The following EVC2 variants were observed in gnomAD, a reference collection of about 807,000 sequenced individuals.
The protein encoded by EVC2 is limbin.
In EVC2, 148 loss-of-function variants were observed where a neutral mutation model predicts 149.3. That is an observed-to-expected ratio of 0.99 (90% CI 0.87 to 1.14). The LOEUF is 1.14. EVC2 is among the 50% of genes most tolerant of loss of function. The pLI is 0.00. For synonymous variants in EVC2, 776 were observed against 649.9 expected, an observed-to-expected ratio of 1.19 and a Z score of -2.95; for missense variants, 1,854 against 1,627.3, an observed-to-expected ratio of 1.14 and a Z score of -2.40.
chr4:5,606,218 A>C (rs1714381874), intron 16 of EVC2, among the ~76,000 whole-genome samples: 1 of 152,130 alleles, frequency 6.6e-6, no homozygotes, highest in Non-Finnish European at 1.5e-5. Flanking sequence ...CCCACCTCTT[A>C]ATACTCCCTT....
Position 5,697,000 on chromosome 4 carries a change from T to C in EVC2, c.283+593A>G, listed in dbSNP as rs1721516427. Reference sequence around the variant, plus strand: ...GTCCTTATAAGAGGGAGACAGAGATTTGACAGACAGAAGAGAAGAAGGCCA... The same window carrying C: ...GTCCTTATAAGAGGGAGACAGAGATCTGACAGACAGAAGAGAAGAAGGCCA... On this transcript the variant is annotated intron_variant, in intron 2 of 21. Coordinates refer to ENST00000344408, the MANE Select transcript of EVC2 (RefSeq NM_147127.5). The surrounding 1 kb of genome is among the most constrained non-coding windows in gnomAD (Gnocchi z 4.1). Among the ~76,000 whole-genome samples the C allele has an allele frequency of 1.3e-5, 2 of 152,152 alleles. No individual in the cohort carries two copies. Among genetic ancestry groups the C allele is most frequent in the Non-Finnish European group, 2.9e-5 (2 of 68,022 alleles).
intron 7 of EVC2, among the ~76,000 whole-genome samples, chr4:5,676,389 C>G (rs1321577987): frequency 6.6e-6 from 1 of 152,190 alleles, no homozygotes; most frequent in African/African-American, 2.4e-5. Context: ...AGCCTCACAT[C>G]TTTACCTTGT....
rs73794666 is a variant in EVC2 at position 5,615,249 on chromosome 4, C to T, written c.2829+173G>A. Among the ~76,000 whole-genome samples the T allele has an allele frequency of 0.017, 2,540 of 152,242 alleles. 68 individuals carry two copies. The highest frequency in any genetic ancestry group is 0.057 in the African/African-American group (2,363 of 41,554). On this transcript the variant is annotated intron_variant, in intron 16 of 21. Coordinates refer to ENST00000344408, the MANE Select transcript of EVC2 (RefSeq NM_147127.5). Reference sequence around the variant, plus strand: ...CCAAACAGAATGCACAGGGGAAAGGCCCAGGGGGAGGGTCTTCCAACTCTT... The same window carrying T: ...CCAAACAGAATGCACAGGGGAAAGGTCCAGGGGGAGGGTCTTCCAACTCTT...
chr4:5,556,764 C>T (rs1577090088), intron 21 of EVC2, among the ~76,000 whole-genome samples: 1 of 152,080 alleles, frequency 6.6e-6, no homozygotes, highest in Non-Finnish European at 1.5e-5. Flanking sequence ...CTACTGATCC[C>T]ATGGACAGTA....
intron 17 of EVC2, among the ~76,000 whole-genome samples, chr4:5,580,136 TTTTAATTCTCCTGAATG>T (rs1711627415): frequency 6.6e-6 from 1 of 152,244 alleles, no homozygotes; most frequent in South Asian, 2.1e-4. Flanking sequence ...TTTCATGCTT[TTTTAATTCTCCTGAATG>T]TTTAACAGCC....
chr4:5,570,219 G>A (rs1383714521), intron 19 of EVC2, among the ~76,000 whole-genome samples: 1 of 152,216 alleles, frequency 6.6e-6, no homozygotes, highest in Non-Finnish European at 1.5e-5. Context: ...CTGGAACAGA[G>A]AGGGTGACCA....
chr4:5,542,889 T>C (rs1338318902), exon 23 of EVC2: 5 of 321,822 alleles, frequency 1.6e-5, no homozygotes, highest in Non-Finnish European at 6.1e-6. Context: ...TCCCAGGCCC[T>C]TCCTTGGTGT....
Position 5,692,852 on chromosome 4 carries a change from C to T in EVC2, c.450+1483G>A, listed in dbSNP as rs371756460. On this transcript the variant is annotated intron_variant, in intron 3 of 21. Transcript: ENST00000344408. ...ACTGCAGTCCGCAGTCCGGCCTGGGCGACAGAGCGAGACTCCGTCTCAAAA... is the reference window on the plus strand; with the variant it reads ...ACTGCAGTCCGCAGTCCGGCCTGGGTGACAGAGCGAGACTCCGTCTCAAAA... Among the ~76,000 whole-genome samples, 416 of 116,586 alleles carry T rather than the reference C, an allele frequency of 3.6e-3. 4 individuals are homozygous for T. Among genetic ancestry groups the T allele is most frequent in the African/African-American group, 0.013 (386 of 29,612 alleles). 76.5% of individuals were successfully genotyped at this position (116,586 alleles called of 152,430 possible). A position where few individuals can be genotyped will look rare whatever the true frequency, so the allele number is the denominator to read the frequency against.
At chr4:5,672,575 C>A (rs1319780905) in intron 7 of EVC2, among the ~76,000 whole-genome samples, 1 of 152,152 alleles carries the variant, frequency 6.6e-6, no homozygotes, top group East Asian at 1.9e-4. Context: ...CTTAGATCCA[C>A]CCCTTTCCAC....
At chr4:5,611,062 C>T (rs1205646307) in intron 16 of EVC2, among the ~76,000 whole-genome samples, 3 of 152,052 alleles carry the variant, frequency 2.0e-5, no homozygotes, top group South Asian at 2.1e-4. Flanking sequence ...TTGTGTGTGC[C>T]CTCTGCATCA....
rs888370298 is a variant in EVC2, at chr4:5,584,764, G to T, written c.2916C>A (p.Phe972Leu). ...GFAQSLVALQ[F>L]QKASRVTETL... ...TCTCGGTCACCCGGGACGCCTTCTG[G>T]AACTGCAGAGCAACAAGCGACTGTG... Residue 972 changes from phenylalanine (F) to leucine (L), a missense_variant, in exon 17 of 22, where the codon TTC becomes TTA. Transcript: ENST00000344408. 1 of 1,614,006 alleles carries T rather than the reference G, an allele frequency of 6.2e-7. No homozygotes were observed. The highest frequency in any genetic ancestry group is 8.5e-7 in the Non-Finnish European group (1 of 1,180,002).
At chr4:5,662,005 T>A (rs1459057962) in intron 9 of EVC2, among the ~76,000 whole-genome samples, 3 of 152,204 alleles carry the variant, frequency 2.0e-5, no homozygotes, top group Admixed American at 2.0e-4. Context: ...TAATATTCAT[T>A]AACTACATAA....
the EVC2 span, among the ~76,000 whole-genome samples, chr4:5,534,874 G>A: frequency 2.7e-5 from 4 of 150,082 alleles, no homozygotes; most frequent in African/African-American, 7.3e-5. Flanking sequence ...CAAAGGAAAT[G>A]GTTAATGGCC....
At chr4:5,638,128 C>A (rs1176391540) in intron 10 of EVC2, among the ~76,000 whole-genome samples, 1 of 152,060 alleles carries the variant, frequency 6.6e-6, no homozygotes, top group East Asian at 1.9e-4. Context: ...GTGGCTCATG[C>A]CTGTAATCCC....
chr4:5,684,187 C>T (rs945745815), intron 6 of EVC2, among the ~76,000 whole-genome samples: 10 of 152,104 alleles, frequency 6.6e-5, no homozygotes, highest in African/African-American at 2.2e-4. Context: ...TTTTTGTACC[C>T]TTATACTGAA....
At chr4:5,672,350 G>A (rs1719701468) in intron 7 of EVC2, among the ~76,000 whole-genome samples, 1 of 152,180 alleles carries the variant, frequency 6.6e-6, no homozygotes. Context: ...TCATCCTAAG[G>A]GAATCAGGGG....
intron 16 of EVC2, among the ~76,000 whole-genome samples, chr4:5,600,367 TAAA>T (rs1272941901): frequency 6.6e-6 from 1 of 152,168 alleles, no homozygotes; most frequent in Non-Finnish European, 1.5e-5. Context: ...ACAAAACAGA[TAAA>T]AATAATGGTT....
In EVC2 at chr4:5,633,955, T is replaced by A. The variant is rs1189977759; in HGVS notation, c.1471-1923A>T. 6.6e-6 allele frequency among the ~76,000 whole-genome samples: 1 copy of A among 152,236 alleles called. No homozygotes were observed. The highest frequency in any genetic ancestry group is 1.5e-5 in the Non-Finnish European group (1 of 68,050). On this transcript the variant is annotated intron_variant, in intron 10 of 21. Transcript: ENST00000344408. The surrounding 1 kb of genome is among the most constrained non-coding windows in gnomAD (Gnocchi z 4.4). ...AGTCCCTTTTACTTATTGTTTGATT[T>A]GTTCAGAATCTGGGCCAGAAAGACA... is the stretch of plus-strand genomic sequence containing the variant.
Position 5,631,854 on chromosome 4 carries a change from A to G in EVC2, c.1649T>C (p.Phe550Ser), listed in dbSNP as rs1481256761. The change falls in exon 11 of 22, where the codon TTC becomes TCC. Residue 550 changes from phenylalanine to serine, a missense_variant. Transcript: ENST00000344408. ...IFFTQIKSAI[F>S]KGELKPEAAK... The stretch of plus-strand genomic sequence containing the variant: ...TGCCTCTGGTTTCAATTCCCCTTTG[A>G]AAATAGCACTTTTTATCTGGGTAAA... 2 of 1,614,094 alleles carry G rather than the reference A, an allele frequency of 1.2e-6. No homozygotes were observed. Among genetic ancestry groups the G allele is most frequent in the African/African-American group, 2.7e-5 (2 of 74,946 alleles).
Sources: allele counts gnomAD v4.1 joint callset (sites outside exome capture counted in the v4.1 genomes callset), GRCh38; gene constraint gnomAD v4.1.1; non-coding constraint Gnocchi (gnomAD v3.1); transcripts MANE v1.5; gene names NCBI Gene and HGNC (gene_info 2026-07-23, HGNC 2026-07-21).